DACH1: variants seen among roughly 807,000 people sequenced by gnomAD.
DACH1 encodes dachshund family transcription factor 1.
Under a neutral mutation model 54.2 loss-of-function variants are expected in DACH1, and 12 were observed. That is an observed-to-expected ratio of 0.22 (90% CI 0.14 to 0.36). DACH1 has a LOEUF of 0.36. DACH1 is among the 10% of genes least tolerant of loss of function. The pLI is 1.00. For missense variants in DACH1, 805 were observed against 929.8 expected, an observed-to-expected ratio of 0.87 and a Z score of 1.75; for synonymous variants, 386 against 366.2, an observed-to-expected ratio of 1.05 and a Z score of -0.62.
At chr13:71,623,028 A>G (rs941466497) in intron 3 of DACH1, among the ~76,000 whole-genome samples, 1 of 151,820 alleles carries the variant, frequency 6.6e-6, no homozygotes, top group South Asian at 2.1e-4. Context: ...TGCATCAAAA[A>G]TACATTTAAT....
intron 1 of DACH1, among the ~76,000 whole-genome samples, chr13:71,820,033 G>A (rs183714508): frequency 3.0e-5 from 4 of 133,624 alleles, no homozygotes; most frequent in East Asian, 2.6e-4. Context: ...CTGAGAGGCC[G>A]AAGTGGGAGA....
intron 1 of DACH1, among the ~76,000 whole-genome samples, chr13:71,852,413 A>C (rs1873731495): frequency 6.6e-6 from 1 of 151,860 alleles, no homozygotes; most frequent in African/African-American, 2.4e-5. Context: ...AGTGTTCTCC[A>C]ACTACAAGAA....
chr13:71,664,839 A>G (rs1319393399), intron 2 of DACH1, among the ~76,000 whole-genome samples: 1 of 152,056 alleles, frequency 6.6e-6, no homozygotes, highest in East Asian at 1.9e-4. Flanking sequence ...TGCTAATTAT[A>G]TCAAACAGTT....
At chr13:71,711,716 T>A (rs1882730761) in intron 1 of DACH1, among the ~76,000 whole-genome samples, 5 of 152,114 alleles carry the variant, frequency 3.3e-5, no homozygotes, top group Admixed American at 3.3e-4. Flanking sequence ...TTTTGTCATT[T>A]CAGTGTGATA....
intron 3 of DACH1, among the ~76,000 whole-genome samples, chr13:71,609,617 C>G (rs967739907): frequency 6.6e-6 from 1 of 152,044 alleles, no homozygotes; most frequent in Admixed American, 6.6e-5. Flanking sequence ...CCTCCACTCC[C>G]CAGGTTCAAG....
chr13:71,715,894 T>C (rs1253432991), intron 1 of DACH1, among the ~76,000 whole-genome samples: 1 of 152,032 alleles, frequency 6.6e-6, no homozygotes, highest in African/African-American at 2.4e-5. Context: ...AAAACAAACA[T>C]CTGGGAATAC....
intron 2 of DACH1, among the ~76,000 whole-genome samples, chr13:71,644,044 G>A (rs113972222): frequency 6.6e-6 from 1 of 152,116 alleles, no homozygotes; most frequent in Admixed American, 6.5e-5. Context: ...ACTACAAAAG[G>A]GAGGAGGGGG....
chr13:71,832,298 G>T (rs949451961), intron 1 of DACH1, among the ~76,000 whole-genome samples: 2 of 151,766 alleles, frequency 1.3e-5, no homozygotes, highest in African/African-American at 4.8e-5. Context: ...AAACAATAAA[G>T]CAACAATTCA....
intron 1 of DACH1, among the ~76,000 whole-genome samples, chr13:71,767,837 C>T (rs1227065934): frequency 2.6e-5 from 4 of 151,916 alleles, no homozygotes; most frequent in African/African-American, 9.6e-5. Flanking sequence ...TTTTCCTAGC[C>T]CTTTAACACT....
intron 1 of DACH1, among the ~76,000 whole-genome samples, chr13:71,810,432 C>T (rs1210445288): frequency 6.6e-6 from 1 of 152,146 alleles, no homozygotes; most frequent in South Asian, 2.1e-4. Flanking sequence ...GAATAGTGAA[C>T]ACCTACAACA....
intron 1 of DACH1, among the ~76,000 whole-genome samples, chr13:71,723,652 A>ACAAATTAAAT (rs1258643398): frequency 6.6e-6 from 1 of 152,064 alleles, no homozygotes; most frequent in East Asian, 1.9e-4. Context: ...CTGTTTCTTA[A>ACAAATTAAAT]CAAATTAAAT....
rs536228146 is a variant in DACH1 at position 71,850,300 on chromosome 13, C to A, written c.848+15622G>T. Among the ~76,000 whole-genome samples, 3 of 152,248 alleles carry A rather than the reference C, an allele frequency of 2.0e-5. No homozygotes were observed. The East Asian group carries it at 5.8e-4, about 29-fold the overall frequency. On this transcript the variant is annotated intron_variant, in intron 1 of 10. Transcript: ENST00000613252. ...AATTTATGTTCATTTCATGAGATAG[C>A]TCTACTTTAAAACAGAGTATTACTC...
At chr13:71,452,589 G>A (rs1350316112) in intron 10 of DACH1, among the ~76,000 whole-genome samples, 1 of 152,138 alleles carries the variant, frequency 6.6e-6, no homozygotes, top group East Asian at 1.9e-4. Flanking sequence ...GTGTTCTCAT[G>A]ATAAGTATTT....
chr13:71,813,923 G>A (rs956261374), intron 1 of DACH1, among the ~76,000 whole-genome samples: 1 of 152,140 alleles, frequency 6.6e-6, no homozygotes, highest in Non-Finnish European at 1.5e-5. Flanking sequence ...GGGGCAAAAT[G>A]ATGGCTTAAA....
intron 6 of DACH1, among the ~76,000 whole-genome samples, chr13:71,545,187 C>T (rs1384084444): frequency 6.6e-6 from 1 of 151,994 alleles, no homozygotes; most frequent in Non-Finnish European, 1.5e-5. Context: ...TCGCTAATTT[C>T]CCAAGTTCGA....
intron 6 of DACH1, among the ~76,000 whole-genome samples, chr13:71,492,747 G>C (rs1439584420): frequency 6.6e-6 from 1 of 151,266 alleles, no homozygotes; most frequent in Non-Finnish European, 1.5e-5. Context: ...GTGTGAGTGT[G>C]TGTGTGTGTG....
chr13:71,799,702 G>GTTTTGCAAATTGCAAA (rs1431489988), intron 1 of DACH1, among the ~76,000 whole-genome samples: 1 of 152,084 alleles, frequency 6.6e-6, no homozygotes, highest in Non-Finnish European at 1.5e-5. Context: ...TGGCCATGTG[G>GTTTTGCAAATTGCAAA]TTTTGCAAAT....
rs561030387 is a variant in DACH1 at position 71,617,585 on chromosome 13, T to C, written c.1126+12971A>G. On this transcript the variant is annotated intron_variant, in intron 3 of 10. Transcript: ENST00000613252. Reference sequence around the variant, plus strand: ...AACATACTTTGAAATATCACATTATTGCCCTGAATCACACCTGTGAAAAAG... The same window carrying C: ...AACATACTTTGAAATATCACATTATCGCCCTGAATCACACCTGTGAAAAAG... 1.1e-3 allele frequency among the ~76,000 whole-genome samples: 175 copies of C among 152,204 alleles called. 1 individual carries two copies. The highest frequency in any genetic ancestry group is 2.2e-3 in the Non-Finnish European group (148 of 68,038).
chr13:71,832,635 A>T (rs899327194), intron 1 of DACH1, among the ~76,000 whole-genome samples: 4 of 151,846 alleles, frequency 2.6e-5, no homozygotes, highest in East Asian at 1.9e-4. Context: ...AACTACCTAA[A>T]TTTTTTTTGT....
Sources: gnomAD v4.1 joint callset for allele counts (sites outside exome capture counted in the v4.1 genomes callset) on GRCh38, gnomAD v4.1.1 for gene constraint, MANE v1.5 for transcripts, NCBI Gene and HGNC (gene_info 2026-07-23, HGNC 2026-07-21) for gene names.